The following MLLT10 variants were observed in gnomAD, a reference collection of about 807,000 sequenced individuals.
The protein encoded by MLLT10 is MLLT10 histone lysine methyltransferase DOT1L cofactor, also known as protein AF-10.
A neutral mutation model predicts 129.1 loss-of-function variants in MLLT10; 30 were observed. The observed-to-expected ratio is 0.23, with a 90% CI of 0.17 to 0.32. The LOEUF (loss-of-function observed/expected upper bound fraction) is 0.32, where lower values mean the gene tolerates loss of function less well. Among genes scored for constraint, MLLT10 ranks in the 10% least tolerant of loss-of-function variants. The probability of loss-of-function intolerance (pLI) is 1.00; values close to 1 mark genes in which losing one functional copy is unlikely to be tolerated. For synonymous variants in MLLT10, 490 were observed against 446.4 expected, an observed-to-expected ratio of 1.10 and a Z score of -1.23; for missense variants, 1,119 against 1,268.3, an observed-to-expected ratio of 0.88 and a Z score of 1.79.
chr10:21,640,870 C>T (rs1564559359), intron 8 of MLLT10, among the ~76,000 whole-genome samples: 1 of 152,156 alleles, frequency 6.6e-6, no homozygotes, highest in Non-Finnish European at 1.5e-5. Context: ...AAGAGGTGTC[C>T]TTGATTGACA....
intron 3 of MLLT10, among the ~76,000 whole-genome samples, chr10:21,574,975 C>T (rs1235639927): frequency 6.6e-6 from 1 of 152,096 alleles, no homozygotes; most frequent in East Asian, 1.9e-4. Flanking sequence ...TCCAGCAGGA[C>T]TCAGCCTTAT....
intron 3 of MLLT10, among the ~76,000 whole-genome samples, chr10:21,543,795 GA>G (rs1194885686): frequency 4.6e-5 from 7 of 152,148 alleles, no homozygotes; most frequent in Non-Finnish European, 1.0e-4. Context: ...GTATAATTAT[GA>G]AAGGCAGGGT....
intron 3 of MLLT10, among the ~76,000 whole-genome samples, chr10:21,579,657 G>C (rs538151298): frequency 2.6e-5 from 4 of 151,706 alleles, no homozygotes; most frequent in African/African-American, 9.7e-5. Flanking sequence ...CCGCCTCTTG[G>C]GTTCAAGTGA....
chr10:21,662,148 G>A (rs555768769), intron 9 of MLLT10, among the ~76,000 whole-genome samples: 57 of 151,784 alleles, frequency 3.8e-4, no homozygotes, highest in Non-Finnish European at 7.5e-4. Flanking sequence ...GGCTTCCTTC[G>A]TGGATTTTAA....
intron 8 of MLLT10, among the ~76,000 whole-genome samples, chr10:21,621,306 G>A (rs1478152919): frequency 7.0e-6 from 1 of 143,068 alleles, no homozygotes; most frequent in African/African-American, 2.6e-5. Flanking sequence ...GTGCAGTGGC[G>A]CGATCTGGGC....
intron 13 of MLLT10, chr10:21,708,672 A>T (rs1320700962): frequency 3.0e-6 from 3 of 985,040 alleles, no homozygotes; most frequent in Non-Finnish European, 2.4e-6. Context: ...GTATACGTTG[A>T]TGTAATATAA....
At chr10:21,540,133 A>G (rs1013287454) in intron 3 of MLLT10, among the ~76,000 whole-genome samples, 12 of 152,050 alleles carry the variant, frequency 7.9e-5, no homozygotes, top group Non-Finnish European at 1.2e-4. Context: ...GCTCATGCCT[A>G]TAATTCCAGC....
At chr10:21,539,412 CTTTT>C (rs370995933) in intron 3 of MLLT10, among the ~76,000 whole-genome samples, 8 of 120,700 alleles carry the variant, frequency 6.6e-5, no homozygotes, top group Non-Finnish European at 7.3e-5. Context: ...ACATAAAAAT[CTTTT>C]TTTTTTTTTT....
intron 3 of MLLT10, among the ~76,000 whole-genome samples, chr10:21,564,003 G>T (rs919904899): frequency 6.6e-6 from 1 of 152,054 alleles, no homozygotes; most frequent in Admixed American, 6.6e-5. Context: ...TAGTAGAGAC[G>T]GGGTTTCACC....
intron 8 of MLLT10, among the ~76,000 whole-genome samples, chr10:21,632,532 A>G (rs1009778831): frequency 3.3e-5 from 5 of 152,196 alleles, no homozygotes; most frequent in Non-Finnish European, 7.3e-5. Context: ...ATTAGATTTG[A>G]TAAATGTTTA....
At chr10:21,738,435 G>A in intron 21 of MLLT10, 1 of 1,289,018 alleles carries the variant, frequency 7.8e-7, no homozygotes, top group South Asian at 1.2e-5. Context: ...CCAGAACATG[G>A]TTAAGGAATT....
intron 3 of MLLT10, among the ~76,000 whole-genome samples, chr10:21,539,765 G>A (rs1469800603): frequency 2.0e-5 from 3 of 151,492 alleles, no homozygotes; most frequent in Non-Finnish European, 4.4e-5. Context: ...GTGAAACTCT[G>A]TCTCAAAAAA....
chr10:21,709,824 A>G (rs939032269), intron 13 of MLLT10, among the ~76,000 whole-genome samples: 2 of 151,408 alleles, frequency 1.3e-5, no homozygotes, highest in Admixed American at 6.6e-5. Flanking sequence ...CTCAATCTCA[A>G]CCTCCCAGGC....
chr10:21,625,539 C>T (rs2046349117), intron 8 of MLLT10: 2 of 799,574 alleles, frequency 2.5e-6, no homozygotes, highest in Non-Finnish European at 4.5e-6. Context: ...CTGGCTTGTA[C>T]TGCTGACTTG....
intron 8 of MLLT10, among the ~76,000 whole-genome samples, chr10:21,647,403 C>T (rs1345628253): frequency 6.6e-6 from 1 of 152,086 alleles, no homozygotes; most frequent in Non-Finnish European, 1.5e-5. Flanking sequence ...TGCCAATAGT[C>T]CCAGATATTT....
chr10:21,691,694 C>T (rs2053861469), intron 13 of MLLT10, among the ~76,000 whole-genome samples: 1 of 151,588 alleles, frequency 6.6e-6, no homozygotes, highest in Non-Finnish European at 1.5e-5. Flanking sequence ...TAATTTGAAA[C>T]AAAATTTAAA....
intron 3 of MLLT10, chr10:21,556,643 A>T (rs748366218): frequency 1.9e-6 from 3 of 1,607,498 alleles, no homozygotes; most frequent in Non-Finnish European, 2.6e-6. Context: ...TGCTTTTCAG[A>T]TGGTATGCAA....
intron 4 of MLLT10, among the ~76,000 whole-genome samples, chr10:21,594,740 A>G (rs2042871056): frequency 6.6e-6 from 1 of 150,664 alleles, no homozygotes; most frequent in Non-Finnish European, 1.5e-5. Flanking sequence ...AGGCTGAGGC[A>G]GGAGAATTGC....
chr10:21,735,596 T>TCCC (rs1666025677), intron 21 of MLLT10, among the ~76,000 whole-genome samples: 4 of 152,108 alleles, frequency 2.6e-5, no homozygotes, highest in Non-Finnish European at 4.4e-5. Flanking sequence ...GGGAAGAGCA[T>TCCC]AGGGAACCGA....
Sources: allele counts gnomAD v4.1 joint callset (sites outside exome capture counted in the v4.1 genomes callset), GRCh38; gene constraint gnomAD v4.1.1; transcripts MANE v1.5; gene names NCBI Gene and HGNC (gene_info 2026-07-23, HGNC 2026-07-21).